LRRC3C: variants seen among roughly 807,000 people sequenced by gnomAD.
LRRC3C encodes leucine rich repeat containing 3C, also known as leucine-rich repeat-containing protein 3C.
A neutral mutation model predicts 14.8 loss-of-function variants in LRRC3C; 11 were observed. The observed-to-expected ratio is 0.74, with a 90% confidence interval of 0.47 to 1.23. The LOEUF (loss-of-function observed/expected upper bound fraction) is 1.23. Ranked by LOEUF, LRRC3C falls within the 50% of genes most tolerant of loss-of-function variation. The pLI is 0.00. For synonymous variants in LRRC3C, 149 were observed against 161.5 expected (o/e 0.92, Z 0.59); for missense variants, 354 against 361.8 (o/e 0.98, Z 0.18).
At position 39,944,812 on chromosome 17, in the gene LRRC3C, C is replaced by T; in HGVS notation, c.*78C>T. 1 of 1,344,764 alleles carries T rather than the reference C, an allele frequency of 7.4e-7. No individual in the cohort carries two copies. Among genetic ancestry groups the T allele is most frequent in the Non-Finnish European group, 1.0e-6 (1 of 986,502 alleles). The allele number at this position is 1,344,764 out of a possible 1,614,324, so 83.3% of individuals were successfully genotyped here. ...TCCTTTGCTCTGACCCCCTCTGCCT[C>T]CTGTGCAGCTTCACCCCTGCCCCCA... is the stretch of plus-strand genomic sequence containing the variant. On this transcript the variant is annotated 3_prime_UTR_variant, in exon 4 of 4. Transcript: ENST00000377924.
intron 3 of LRRC3C, among the ~76,000 whole-genome samples, chr17:39,943,216 G>T (rs2144767310): frequency 6.6e-6 from 1 of 152,292 alleles, no homozygotes; most frequent in Non-Finnish European, 1.5e-5. Context: ...GGCTTCTGGA[G>T]GAGGAAGCGG....
At chr17:39,930,621 T>C (rs962911611) in intron 1 of LRRC3C, among the ~76,000 whole-genome samples, 1 of 147,576 alleles carries the variant, frequency 6.8e-6, no homozygotes, top group Non-Finnish European at 1.5e-5. Context: ...AGCAAGAGAA[T>C]TGCTTGAACC....
Position 39,944,008 on chromosome 17 carries a change from G to C in LRRC3C, c.102G>C (p.Leu34=). 2.6e-6 allele frequency: 4 copies of C among 1,536,090 alleles called. No homozygotes were observed. The highest frequency in any genetic ancestry group is 3.5e-6 in the Non-Finnish European group (4 of 1,146,880). ...PTAGHLLPLL[L]VIGTGGTVPS... The stretch of plus-strand genomic sequence containing the variant: ...CAGGTCACCTCCTGCCCCTCCTGCT[G>C]GTGATAGGCACAGGGGGTACTGTGC... The change falls in exon 4 of 4, where the codon CTG becomes CTC. Residue 34 remains leucine (L), a synonymous_variant. Transcript: ENST00000377924.
At chr17:39,932,373 A>G (rs1978671858) in intron 1 of LRRC3C, among the ~76,000 whole-genome samples, 1 of 152,160 alleles carries the variant, frequency 6.6e-6, no homozygotes, top group South Asian at 2.1e-4. Flanking sequence ...ATATTTGAGC[A>G]TCTACTTTAC....
chr17:39,935,520 G>A (rs1375456409), intron 1 of LRRC3C, among the ~76,000 whole-genome samples: 2 of 152,166 alleles, frequency 1.3e-5, no homozygotes, highest in African/African-American at 2.4e-5. Flanking sequence ...GGGTGTGGTG[G>A]TGTGCGCCTG....
chr17:39,933,693 A>G (rs1227415169), intron 1 of LRRC3C, among the ~76,000 whole-genome samples: 1 of 152,152 alleles, frequency 6.6e-6, no homozygotes, highest in Non-Finnish European at 1.5e-5. Flanking sequence ...AGATGGCGCC[A>G]CAGCACTCCA....
rs77002215 is a variant in LRRC3C, at chr17:39,935,313, C to G, written c.-174-489C>G. Among the ~76,000 whole-genome samples the G allele has an allele frequency of 1.8e-4, 28 of 152,094 alleles. No homozygotes were observed. In the East Asian group the frequency reaches 5.4e-3, roughly 29 times the overall value. On this transcript the variant is annotated intron_variant, in intron 1 of 3. Transcript: ENST00000377924. Reference sequence around the variant, plus strand: ...CTCACCTGTCACCTTCTCGGTGCAGCCTTCCCCAGTGTCCAAGCAGAGTCC... The same window carrying G: ...CTCACCTGTCACCTTCTCGGTGCAGGCTTCCCCAGTGTCCAAGCAGAGTCC...
At chr17:39,932,408 A>T (rs1978672487) in intron 1 of LRRC3C, among the ~76,000 whole-genome samples, 1 of 152,188 alleles carries the variant, frequency 6.6e-6, no homozygotes, top group Non-Finnish European at 1.5e-5. Context: ...TCAACAAAAT[A>T]AAAACAGACC....
chr17:39,942,848 G>C (rs1477163611), intron 3 of LRRC3C, among the ~76,000 whole-genome samples: 3 of 152,194 alleles, frequency 2.0e-5, no homozygotes, highest in Non-Finnish European at 4.4e-5. Flanking sequence ...GGTTGCTGGA[G>C]ACACTGGATG....
intron 3 of LRRC3C, among the ~76,000 whole-genome samples, chr17:39,942,359 C>T (rs1219922518): frequency 2.0e-5 from 3 of 152,268 alleles, no homozygotes; most frequent in South Asian, 4.2e-4. Flanking sequence ...CACGGAGTGG[C>T]GTGGCCTGCA....
chr17:39,940,136 T>C (rs1978898814), intron 2 of LRRC3C, among the ~76,000 whole-genome samples: 1 of 152,254 alleles, frequency 6.6e-6, no homozygotes, highest in South Asian at 2.1e-4. Flanking sequence ...TAGAAAGTTA[T>C]CTGATTCCTT....
chr17:39,936,884 G>A (rs934173855), intron 2 of LRRC3C, among the ~76,000 whole-genome samples: 3 of 151,976 alleles, frequency 2.0e-5, no homozygotes, highest in Non-Finnish European at 2.9e-5. Flanking sequence ...CGCTTTGGGA[G>A]GCTGAGGTTG....
At chr17:39,931,379 G>C (rs1265505150) in intron 1 of LRRC3C, among the ~76,000 whole-genome samples, 2 of 146,146 alleles carry the variant, frequency 1.4e-5, no homozygotes, top group Non-Finnish European at 3.0e-5. Flanking sequence ...CTGGGAGGCA[G>C]AGGTTGCAGT....
At chr17:39,933,406 GC>G (rs1325432933) in intron 1 of LRRC3C, among the ~76,000 whole-genome samples, 2 of 152,080 alleles carry the variant, frequency 1.3e-5, no homozygotes, top group African/African-American at 4.8e-5. Context: ...GATGCTGCTG[GC>G]CGTGTTCAGA....
rs548896220 is a variant in LRRC3C, at chr17:39,940,998, C to T, written c.-81-445C>T. Reference sequence around the variant, plus strand: ...GCCTCAAGTGATCCACCCACCTCGGCCTCCCGAAGAGCTAGGATTACAGGC... The same window carrying T: ...GCCTCAAGTGATCCACCCACCTCGGTCTCCCGAAGAGCTAGGATTACAGGC... On this transcript the variant is annotated intron_variant, in intron 2 of 3. Transcript: ENST00000377924. Among the ~76,000 whole-genome samples the T allele has an allele frequency of 7.0e-4, 106 of 152,102 alleles. No individual in the cohort carries two copies. In the East Asian group the frequency reaches 7.9e-3, roughly 11 times the overall value.
chr17:39,930,277 CAAAAAAA>C (rs61165669), intron 1 of LRRC3C, among the ~76,000 whole-genome samples: 1 of 57,564 alleles, frequency 1.7e-5, no homozygotes, highest in Non-Finnish European at 3.0e-5. Flanking sequence ...GATCCTGTCT[CAAAAAAA>C]AAAAAAAAAA....
At chr17:39,936,934 C>T (rs750446036) in intron 2 of LRRC3C, among the ~76,000 whole-genome samples, 7 of 151,582 alleles carry the variant, frequency 4.6e-5, no homozygotes, top group African/African-American at 2.4e-5. Context: ...CTAGCCTGGA[C>T]AACATGGTAA....
Position 39,944,570 on chromosome 17 carries a change from G to T in LRRC3C, c.664G>T (p.Asp222Tyr), listed in dbSNP as rs754285890. The change falls in exon 4 of 4, where the codon GAT becomes TAT. Residue 222 changes from aspartate to tyrosine, a missense_variant. Transcript: ENST00000377924. ...SGWGGARRST[D>Y]VALLVTMGGW... is the part of the protein sequence containing the mutation. ...GTGGGGTGGGGCCCGGAGGAGCACCGATGTGGCCCTGCTGGTCACCATGGG... is the reference window on the plus strand; with the variant it reads ...GTGGGGTGGGGCCCGGAGGAGCACCTATGTGGCCCTGCTGGTCACCATGGG... 1 of 1,532,410 alleles carries T rather than the reference G, an allele frequency of 6.5e-7. No individual in the cohort carries two copies. The highest frequency in any genetic ancestry group is 1.2e-5 in the South Asian group (1 of 83,582). 94.9% of individuals were successfully genotyped at this position (1,532,410 alleles called of 1,614,324 possible).
Position 39,927,734 on chromosome 17 carries a change from GCTCCGTTCCCGGC to G in LRRC3C, c.-251_-239del. 1 of 985,470 alleles carries G rather than the reference GCTCCGTTCCCGGC, an allele frequency of 1.0e-6. No homozygotes were observed. The highest frequency in any genetic ancestry group is 4.7e-5 in the South Asian group (1 of 21,294). 61.0% of individuals were successfully genotyped at this position (985,470 alleles called of 1,614,324 possible). A position where few individuals can be genotyped will look rare whatever the true frequency, so the allele number is the denominator to read the frequency against. On this transcript the variant is annotated 5_prime_UTR_variant, in exon 1 of 4. Transcript: ENST00000377924. ...TCCTGGGAGTTGTAGTTTTTCCTGGGCTCCGTTCCCGGCCTCTTCGGGGACGCACGGTTGGAAG... is the reference window on the plus strand; with the variant it reads ...TCCTGGGAGTTGTAGTTTTTCCTGGGCTCTTCGGGGACGCACGGTTGGAAG...
Sources: allele counts gnomAD v4.1 joint callset (sites outside exome capture counted in the v4.1 genomes callset), GRCh38; gene constraint gnomAD v4.1.1; transcripts MANE v1.5; gene names NCBI Gene and HGNC (gene_info 2026-07-23, HGNC 2026-07-21).